Variants in OGG1 observed in about 807,000 individuals in gnomAD.
OGG1 encodes the protein N-glycosylase/DNA lyase.
In OGG1, 35 loss-of-function variants were observed where a neutral mutation model predicts 42.3. The ratio of observed to expected loss-of-function variants is 0.83; its 90% CI spans 0.63 to 1.10. The LOEUF (loss-of-function observed/expected upper bound fraction) is 1.10, where lower values mean the gene tolerates loss of function less well. Ranked by LOEUF, OGG1 falls within the 50% of genes least tolerant of loss-of-function variation. The pLI is 0.00. For missense variants in OGG1, 484 were observed against 446.7 expected (o/e 1.08, Z -0.75); for synonymous variants, 189 against 179.0 (o/e 1.06, Z -0.44).
Position 9,756,771 on chromosome 3 carries a change from CTT to C in OGG1, c.907_908del (p.Phe303ProfsTer79), listed in dbSNP as rs1408568789. 6.2e-7 allele frequency: 1 copy of C among 1,613,996 alleles called. No homozygotes were observed. Among genetic ancestry groups the C allele is most frequent in the Non-Finnish European group, 8.5e-7 (1 of 1,180,018 alleles). On this transcript the variant is annotated frameshift_variant, in exon 6 of 7. Transcript: ENST00000344629. LOFTEE classifies it high-confidence loss of function. Reference sequence around the variant, plus strand: ...GTCTCATCACTTCTGATTTAGGAAACTTTTTCCGGAGCCTGTGGGGACCTTAT... The same window carrying C: ...GTCTCATCACTTCTGATTTAGGAAACTTTCCGGAGCCTGTGGGGACCTTAT... Reference protein sequence around the residue: ...SPQTNKELGNFFRSLWGPYAG... With the variant: ...SPQTNKELGNXFRSLWGPYAG...
At chr3:9,772,235 T>C (rs1272774958) in intron 2 of OGG1, among the ~76,000 whole-genome samples, 5 of 152,234 alleles carry the variant, frequency 3.3e-5, no homozygotes, top group Non-Finnish European at 7.3e-5. Context: ...AGTATTTCTA[T>C]TGAACAAGTG....
At chr3:9,756,319 A>T (rs2077556876) in intron 4 of OGG1, 152 bp from the exon 5 acceptor site, 3 of 757,510 alleles carry the variant, frequency 4.0e-6, no homozygotes, top group Middle Eastern at 3.5e-4. Flanking sequence ...AACAAAAAAA[A>T]AGTGTATTCA....
chr3:9,758,882 G>A (rs148621728), downstream of OGG1: 1,738 of 360,412 alleles, frequency 4.8e-3, 8 homozygotes, highest in Middle Eastern at 0.013. Context: ...CAACCACCTC[G>A]GCCTCCCAAA....
At chr3:9,770,276 C>T (rs1575274164), downstream of OGG1, among the ~76,000 whole-genome samples, 1 of 152,300 alleles carries the variant, frequency 6.6e-6, no homozygotes, top group East Asian at 1.9e-4. Context: ...CACCCTGTGG[C>T]CTGGTGGATT....
downstream of OGG1, chr3:9,760,575 G>A (rs1299959003): frequency 3.5e-6 from 5 of 1,416,454 alleles, no homozygotes; most frequent in South Asian, 2.3e-5. Flanking sequence ...CAGAAGGAAG[G>A]CAGGAGGGAG....
downstream of OGG1, chr3:9,789,416 G>C: frequency 1.7e-6 from 2 of 1,185,076 alleles, no homozygotes; most frequent in Non-Finnish European, 2.4e-6. Context: ...GGTTGGGGAA[G>C]GAAGATGATG....
Position 9,751,070 on chromosome 3 carries a change from C to T in OGG1, c.263C>T (p.Pro88Leu). 4 of 1,613,906 alleles carry T rather than the reference C, an allele frequency of 2.5e-6. No homozygotes were observed. The South Asian group carries it at 4.4e-5, about 18-fold the overall frequency. ...YRGDKSQASR[P>L]TPDELEAVRK... The stretch of plus-strand genomic sequence containing the variant: ...GGAGACAAGAGCCAGGCTAGCAGGC[C>T]CACACCAGACGAGCTGGAGGCCGTG... Residue 88 changes from proline (P) to leucine (L), a missense_variant, in exon 2 of 7, where the codon CCC (proline) becomes CTC (leucine). Coordinates refer to ENST00000344629, the MANE Select transcript of OGG1 (RefSeq NM_002542.6).
downstream of OGG1, chr3:9,758,464 C>G (rs1490980610): frequency 6.5e-6 from 1 of 155,006 alleles, no homozygotes; most frequent in Non-Finnish European, 1.4e-5. Context: ...ATCGTCATGT[C>G]TTGTCAGTTT....
intron 7 of OGG1, chr3:9,763,291 G>A: frequency 6.3e-7 from 1 of 1,582,940 alleles, no homozygotes; most frequent in African/African-American, 1.3e-5. Context: ...AACTTGGGAG[G>A]CTGAGGCAGG....
At position 9,754,888 on chromosome 3, in the gene OGG1, G is replaced by C. The variant is rs1413779260; in HGVS notation, c.747+3G>C. The C allele has an allele frequency of 1.3e-6, 2 of 1,584,974 alleles. No homozygotes were observed. The highest frequency in any genetic ancestry group is 1.3e-5 in the African/African-American group (1 of 74,548). On this transcript the variant is annotated splice_donor_region_variant and intron_variant, in intron 4 of 6. Coordinates refer to ENST00000344629, the MANE Select transcript of OGG1 (RefSeq NM_002542.6). ...TCCTGCCTGGAGTGGGCACCAAGGT[G>C]AGGCCCCAGGGGGTAGGAGCTGCCC...
chr3:9,781,230 G>C (rs776477172), intron 2 of OGG1, among the ~76,000 whole-genome samples: 1 of 152,024 alleles, frequency 6.6e-6, no homozygotes, highest in African/African-American at 2.4e-5. Flanking sequence ...AAGATCACTT[G>C]AAGCCAGGAG....
chr3:9,759,917 C>G (rs1340930112), downstream of OGG1: 1 of 1,057,366 alleles, frequency 9.5e-7, no homozygotes, highest in Non-Finnish European at 1.4e-6. Context: ...CCCTCCCACC[C>G]CGTGCCTTCC....
downstream of OGG1, chr3:9,760,911 T>C (rs1298955532): frequency 3.2e-6 from 4 of 1,255,124 alleles, no homozygotes; most frequent in Non-Finnish European, 4.4e-6. Flanking sequence ...GCCTGCTCAC[T>C]CCTGTTCTAG....
At chr3:9,788,078 C>T (rs2078656913) in exon 4 of OGG1, 1 of 236,236 alleles carries the variant, frequency 4.2e-6, no homozygotes, top group South Asian at 5.4e-5. Context: ...GGACTTGATC[C>T]TGTAGATAAC....
Position 9,757,341 on chromosome 3 carries a change from T to C in OGG1, c.*191T>C. The C allele has an allele frequency of 6.2e-7, 1 of 1,614,094 alleles. No individual in the cohort carries two copies. Among genetic ancestry groups the C allele is most frequent in the Non-Finnish European group, 8.5e-7 (1 of 1,180,012 alleles). Reference sequence around the variant, plus strand: ...TGGGGGATATTGAGGGAGACAGCGCTAAGGATGGTTTTATCTTCCCTTTAT... The same window carrying C: ...TGGGGGATATTGAGGGAGACAGCGCCAAGGATGGTTTTATCTTCCCTTTAT... On this transcript the variant is annotated 3_prime_UTR_variant, in exon 7 of 7. Coordinates refer to ENST00000344629, the MANE Select transcript of OGG1 (RefSeq NM_002542.6). The surrounding 1 kb of genome is among the most constrained non-coding windows in gnomAD (Gnocchi z 4.5).
intron 2 of OGG1, among the ~76,000 whole-genome samples, chr3:9,776,535 G>A (rs2078367778): frequency 6.6e-6 from 1 of 151,876 alleles, no homozygotes; most frequent in Admixed American, 6.6e-5. Context: ...GACTACAGGT[G>A]CCCGCCACCA....
chr3:9,751,746 AC>A (rs750838003), intron 2 of OGG1, 23 bp from the exon 3 acceptor site: 28 of 1,611,940 alleles, frequency 1.7e-5, no homozygotes, highest in Non-Finnish European at 2.1e-5. Flanking sequence ...TACCTCTCCT[AC>A]CCCCTGCATT....
intron 3 of OGG1, among the ~76,000 whole-genome samples, chr3:9,786,244 G>C (rs2078607270): frequency 6.6e-6 from 1 of 152,036 alleles, no homozygotes; most frequent in African/African-American, 2.4e-5. Flanking sequence ...CGGCCTCCTT[G>C]CTCTTATTCT....
Position 9,757,203 on chromosome 3 carries a change from A to T in OGG1, c.*53A>T, listed in dbSNP as rs2077615951. The stretch of plus-strand genomic sequence containing the variant: ...CCAAGCACCTTCCCCTCCATTCCCC[A>T]CTTCTCTCTCCCCATCCCCACCCAG... On this transcript the variant is annotated 3_prime_UTR_variant, in exon 7 of 7. Coordinates refer to ENST00000344629, the MANE Select transcript of OGG1 (RefSeq NM_002542.6). The surrounding 1 kb of genome is among the most constrained non-coding windows in gnomAD (Gnocchi z 4.5). 6.2e-7 allele frequency: 1 copy of T among 1,613,176 alleles called. No homozygotes were observed. Among genetic ancestry groups the T allele is most frequent in the Admixed American group, 1.7e-5 (1 of 59,944 alleles).
Sources: allele counts gnomAD v4.1 joint callset (sites outside exome capture counted in the v4.1 genomes callset), GRCh38; gene constraint gnomAD v4.1.1; non-coding constraint Gnocchi (gnomAD v3.1); transcripts MANE v1.5; gene names NCBI Gene and HGNC (gene_info 2026-07-23, HGNC 2026-07-21).